SMIM18: variants seen among roughly 807,000 people sequenced by gnomAD.
SMIM18 encodes the protein small integral membrane protein 18.
In SMIM18, 4 loss-of-function variants were observed where a neutral mutation model predicts 5.9. That is an observed-to-expected ratio of 0.68 (90% CI 0.33 to 1.56). SMIM18 has a LOEUF of 1.56. Ranked by LOEUF, SMIM18 falls within the 40% of genes most tolerant of loss-of-function variation. The pLI, the probability that SMIM18 is intolerant of heterozygous loss-of-function variation, is 0.06. For missense variants in SMIM18, 89 were observed against 109.7 expected (o/e 0.81, Z 0.84); for synonymous variants, 37 against 37.4 (o/e 0.99, Z 0.04).
In SMIM18 at chr8:30,645,277, A is replaced by G; in HGVS notation, c.-29-4A>G. On this transcript the variant is annotated splice_polypyrimidine_tract_variant and splice_region_variant and intron_variant, in intron 2 of 2. Transcript: ENST00000517349. ...CATAAATTCATTTTCTACCTTTTTT[A>G]TAGATTCAAAAGAGCAAGTGGAATC... The G allele has an allele frequency of 6.6e-7, 1 of 1,507,578 alleles. No homozygotes were observed. The allele number at this position is 1,507,578 out of a possible 1,614,324, so 93.4% of individuals were successfully genotyped here.
At chr8:30,639,295 CATTTA>C in intron 1 of SMIM18, among the ~76,000 whole-genome samples, 1 of 152,158 alleles carries the variant, frequency 6.6e-6, no homozygotes, top group South Asian at 2.1e-4. Flanking sequence ...ACTTCCTTAA[CATTTA>C]ATTAAAGTAT....
rs538448896 is a variant in SMIM18, at chr8:30,644,797, C to A, written c.-30+225C>A. On this transcript the variant is annotated intron_variant, in intron 2 of 2. Coordinates refer to ENST00000517349, the MANE Select transcript of SMIM18 (RefSeq NM_001206847.2). ...AACGGTTTCATTCCCATTGTCCAGG[C>A]TAGAATGCAGTGGCACGATCTTAGC... Among the ~76,000 whole-genome samples, 4 of 149,448 alleles carry A rather than the reference C, an allele frequency of 2.7e-5. No individual in the cohort carries two copies. The South Asian group carries it at 6.3e-4, about 24-fold the overall frequency.
chr8:30,644,926 T>C (rs1487956994), intron 2 of SMIM18, among the ~76,000 whole-genome samples: 3 of 151,750 alleles, frequency 2.0e-5, no homozygotes, highest in Admixed American at 2.0e-4. Flanking sequence ...AATTTTTGTA[T>C]GTTTTGTAGA....
At chr8:30,644,317 T>C (rs1360386622) in intron 1 of SMIM18, among the ~76,000 whole-genome samples, 175 bp from the exon 2 acceptor site, 2 of 152,210 alleles carry the variant, frequency 1.3e-5, no homozygotes, top group African/African-American at 4.8e-5. Flanking sequence ...TGAATTTGTC[T>C]GTTTTTTTAA....
intron 1 of SMIM18, among the ~76,000 whole-genome samples, chr8:30,639,847 C>T (rs1248559756): frequency 6.6e-6 from 1 of 151,572 alleles, no homozygotes; most frequent in Non-Finnish European, 1.5e-5. Flanking sequence ...CTGCAAAACC[C>T]AAAGGTTGCT....
chr8:30,641,341 T>C (rs1422345783), intron 1 of SMIM18, among the ~76,000 whole-genome samples: 1 of 152,090 alleles, frequency 6.6e-6, no homozygotes, highest in Non-Finnish European at 1.5e-5. Flanking sequence ...TTACCTATAG[T>C]TATTATTAAA....
In SMIM18 at chr8:30,645,649, GA is replaced by G. The variant is rs1035929844; in HGVS notation, c.*60del. 3.5e-5 allele frequency: 51 copies of G among 1,452,042 alleles called. No homozygotes were observed. Among genetic ancestry groups the G allele is most frequent in the Middle Eastern group, 3.9e-4 (2 of 5,108 alleles). The allele number at this position is 1,452,042 out of a possible 1,614,324, so 89.9% of individuals were successfully genotyped here. A position where few individuals can be genotyped will look rare whatever the true frequency, so the allele number is the denominator to read the frequency against. The stretch of plus-strand genomic sequence containing the variant: ...CTGAAAGCAGCTCAACCTCTTCTGA[GA>G]AAAAAAATATATTCTGAGGCCAACT... On this transcript the variant is annotated 3_prime_UTR_variant, in exon 3 of 3. Transcript: ENST00000517349.
chr8:30,641,604 G>T (rs2978262), intron 1 of SMIM18, among the ~76,000 whole-genome samples: 3 of 152,052 alleles, frequency 2.0e-5, no homozygotes, highest in African/African-American at 7.2e-5. Flanking sequence ...GGCCAGGCGC[G>T]GTGGCTCATG....
chr8:30,639,319 T>C (rs1391675226), intron 1 of SMIM18, among the ~76,000 whole-genome samples: 1 of 152,152 alleles, frequency 6.6e-6, no homozygotes, highest in Non-Finnish European at 1.5e-5. Context: ...ATTTCTTCAC[T>C]GTGAAATTTC....
chr8:30,643,589 G>C (rs922852124), intron 1 of SMIM18: 4 of 151,128 alleles, frequency 2.6e-5, no homozygotes, highest in African/African-American at 7.3e-5. Flanking sequence ...CCAGGAGGCG[G>C]AGGTTGCAGT....
chr8:30,640,751 C>T (rs1448680695), intron 1 of SMIM18, among the ~76,000 whole-genome samples: 3 of 152,200 alleles, frequency 2.0e-5, no homozygotes, highest in Admixed American at 1.3e-4. Context: ...ATCGCCCAGG[C>T]TAGAGTGCAG....
intron 2 of SMIM18, among the ~76,000 whole-genome samples, 176 bp downstream of exon 2, chr8:30,644,748 GA>G (rs890835356): frequency 6.6e-5 from 5 of 76,064 alleles, no homozygotes; most frequent in Admixed American, 4.2e-4. Flanking sequence ...TTCGGTATAT[GA>G]ATTTTTTTTT....
At chr8:30,643,374 G>C (rs1439195348) in intron 1 of SMIM18, 1 of 152,128 alleles carries the variant, frequency 6.6e-6, no homozygotes, top group African/African-American at 2.4e-5. Context: ...TAAGTACATG[G>C]GAGGCCAGGC....
rs554182502 is a variant in SMIM18, at chr8:30,644,119, C to G, written c.-110-373C>G. Among the ~76,000 whole-genome samples, 121 of 152,310 alleles carry G rather than the reference C, an allele frequency of 7.9e-4. 1 individual carries two copies. Among genetic ancestry groups the G allele is most frequent in the African/African-American group, 2.7e-3 (112 of 41,564 alleles). On this transcript the variant is annotated intron_variant, in intron 1 of 2. Coordinates refer to ENST00000517349, the MANE Select transcript of SMIM18 (RefSeq NM_001206847.2). ...TTAAAATATTTGTTAGAGATCAAGA[C>G]AGTAAAAACTAATTTAGTTCCTCAT...
At chr8:30,640,054 T>C (rs1348940978) in intron 1 of SMIM18, among the ~76,000 whole-genome samples, 2 of 152,190 alleles carry the variant, frequency 1.3e-5, no homozygotes, top group Admixed American at 1.3e-4. Context: ...CCACCCACAT[T>C]GTTTTAACAC....
rs1802045948 is a variant in SMIM18, at chr8:30,645,636, C to G, written c.*39C>G. The G allele has an allele frequency of 6.7e-7, 1 of 1,491,094 alleles. No individual in the cohort carries two copies. Among genetic ancestry groups the G allele is most frequent in the Non-Finnish European group, 8.9e-7 (1 of 1,124,138 alleles). 92.4% of individuals were successfully genotyped at this position (1,491,094 alleles called of 1,614,324 possible). ...ATGAACAAAATCTCTGAAAGCAGCTCAACCTCTTCTGAGAAAAAAAATATA... is the reference window on the plus strand; with the variant it reads ...ATGAACAAAATCTCTGAAAGCAGCTGAACCTCTTCTGAGAAAAAAAATATA... On this transcript the variant is annotated 3_prime_UTR_variant, in exon 3 of 3. Transcript: ENST00000517349.
At chr8:30,639,749 A>C (rs927075526) in intron 1 of SMIM18, among the ~76,000 whole-genome samples, 3 of 151,992 alleles carry the variant, frequency 2.0e-5, no homozygotes, top group Non-Finnish European at 4.4e-5. Flanking sequence ...AAGTTTATTT[A>C]ATCTTTAAAG....
chr8:30,644,848 T>C (rs568764474), intron 2 of SMIM18, among the ~76,000 whole-genome samples: 1 of 151,742 alleles, frequency 6.6e-6, no homozygotes, highest in East Asian at 1.9e-4. Context: ...CCTCCCTGGC[T>C]CAAGCAATCT....
At chr8:30,641,285 C>T (rs16877233) in intron 1 of SMIM18, among the ~76,000 whole-genome samples, 5,910 of 152,296 alleles carry the variant, frequency 0.039, 394 homozygotes, top group African/African-American at 0.13. Context: ...ACTGCTTAGA[C>T]ACTTCCAGCA....
Sources: gnomAD v4.1 joint callset for allele counts (sites outside exome capture counted in the v4.1 genomes callset) on GRCh38, gnomAD v4.1.1 for gene constraint, MANE v1.5 for transcripts, NCBI Gene and HGNC (gene_info 2026-07-23, HGNC 2026-07-21) for gene names.